LDLRAD4: variants seen among roughly 807,000 people sequenced by gnomAD.
LDLRAD4 encodes the protein low-density lipoprotein receptor class A domain-containing protein 4.
Under a neutral mutation model 17.0 loss-of-function variants are expected in LDLRAD4, and 5 were observed. That is an observed-to-expected ratio of 0.29 (90% confidence interval 0.15 to 0.62). The LOEUF is 0.62. Ranked by LOEUF, LDLRAD4 falls within the 20% of genes least tolerant of loss-of-function variation. The pLI is 0.84. For synonymous variants in LDLRAD4, 168 were observed against 171.8 expected (o/e 0.98, Z 0.17); for missense variants, 340 against 424.7 (o/e 0.80, Z 1.75).
chr18:13,377,808 C>T (rs987652601), intron 1 of LDLRAD4, among the ~76,000 whole-genome samples: 2 of 152,188 alleles, frequency 1.3e-5, no homozygotes, highest in African/African-American at 4.8e-5. Context: ...GGCAGAGCCT[C>T]GCAGGCCCAT....
At chr18:13,646,896 G>A (rs2043034722) in exon 6 of LDLRAD4, 1 of 152,454 alleles carries the variant, frequency 6.6e-6, no homozygotes, top group South Asian at 2.1e-4. Flanking sequence ...CTTCGTGTGG[G>A]AGTGGTGTGG....
intron 4 of LDLRAD4, among the ~76,000 whole-genome samples, chr18:13,640,430 C>T (rs941017169): frequency 6.6e-6 from 1 of 152,192 alleles, no homozygotes; most frequent in African/African-American, 2.4e-5. Context: ...AAGTTCCCAT[C>T]TCCAGGCCAT....
chr18:13,525,739 A>T (rs2094020405), intron 3 of LDLRAD4, among the ~76,000 whole-genome samples: 1 of 152,204 alleles, frequency 6.6e-6, no homozygotes, highest in East Asian at 1.9e-4. Context: ...GGTCCCAGGG[A>T]GAGTGGCACC....
At chr18:13,447,469 C>T (rs1015807706) in intron 3 of LDLRAD4, among the ~76,000 whole-genome samples, 3 of 152,034 alleles carry the variant, frequency 2.0e-5, no homozygotes, top group Non-Finnish European at 4.4e-5. Flanking sequence ...AGGCGGAGAA[C>T]AAATGGGAGG....
chr18:13,400,017 C>T (rs971284507), intron 2 of LDLRAD4, among the ~76,000 whole-genome samples: 3 of 152,210 alleles, frequency 2.0e-5, no homozygotes, highest in Non-Finnish European at 1.5e-5. Context: ...ATATCTTTAT[C>T]GTTACTCTTC....
chr18:13,551,391 A>G (rs909700581), intron 3 of LDLRAD4, among the ~76,000 whole-genome samples: 2 of 152,166 alleles, frequency 1.3e-5, no homozygotes, highest in Admixed American at 6.5e-5. Context: ...CATTTGGCCC[A>G]TGCTTGTGGG....
chr18:13,404,524 A>G (rs920220875), intron 2 of LDLRAD4, among the ~76,000 whole-genome samples: 66 of 152,186 alleles, frequency 4.3e-4, no homozygotes, highest in Admixed American at 3.0e-3. Context: ...GCGGCCGGGC[A>G]TGGTGGCTCA....
intron 3 of LDLRAD4, among the ~76,000 whole-genome samples, chr18:13,476,908 A>G (rs1391749155): frequency 6.6e-6 from 1 of 152,202 alleles, no homozygotes; most frequent in Non-Finnish European, 1.5e-5. Context: ...TGACATGGAT[A>G]ATATTTAAAT....
At chr18:13,240,190 G>C (rs891559677) in intron 1 of LDLRAD4, 3 of 152,246 alleles carry the variant, frequency 2.0e-5, no homozygotes, top group Non-Finnish European at 4.4e-5. Context: ...GCAGGGTCAG[G>C]GTGCTTTGAA....
intron 4 of LDLRAD4, among the ~76,000 whole-genome samples, chr18:13,635,482 A>G (rs1346684488): frequency 6.6e-6 from 1 of 152,232 alleles, no homozygotes; most frequent in East Asian, 1.9e-4. Flanking sequence ...TGTGCTCCAG[A>G]TCTGCAAATT....
At chr18:13,642,569 G>T (rs890127820) in intron 4 of LDLRAD4, 4 of 1,228,504 alleles carry the variant, frequency 3.3e-6, no homozygotes, top group African/African-American at 1.6e-5. Flanking sequence ...CTCGCTGGAG[G>T]ATCCTGAGCC....
intron 4 of LDLRAD4, among the ~76,000 whole-genome samples, chr18:13,639,870 G>GTGA (rs1423175079): frequency 6.6e-6 from 1 of 152,108 alleles, no homozygotes; most frequent in Non-Finnish European, 1.5e-5. Context: ...AAAACTGGTG[G>GTGA]TGATAGAGGA....
chr18:13,409,581 G>C (rs766718165), intron 2 of LDLRAD4, among the ~76,000 whole-genome samples: 1 of 152,108 alleles, frequency 6.6e-6, no homozygotes, highest in Non-Finnish European at 1.5e-5. Flanking sequence ...TTAGTTTCTA[G>C]AACATATGCC....
At chr18:13,401,208 C>T (rs980916778) in intron 2 of LDLRAD4, among the ~76,000 whole-genome samples, 8 of 151,908 alleles carry the variant, frequency 5.3e-5, no homozygotes, top group African/African-American at 1.9e-4. Flanking sequence ...TGTCAGTTGT[C>T]CAGAGGCCAC....
At chr18:13,555,588 T>C (rs117454823) in intron 3 of LDLRAD4, among the ~76,000 whole-genome samples, 29 of 152,340 alleles carry the variant, frequency 1.9e-4, no homozygotes, top group Admixed American at 6.5e-4. Flanking sequence ...ACTATAAGTG[T>C]CTATTATTTG....
chr18:13,263,416 T>C (rs2044029688), intron 1 of LDLRAD4, among the ~76,000 whole-genome samples: 1 of 152,176 alleles, frequency 6.6e-6, no homozygotes. Context: ...CCCATTGCCA[T>C]CTCAGGGATC....
At chr18:13,620,147 C>G (rs560037326) in intron 3 of LDLRAD4, among the ~76,000 whole-genome samples, 1 of 152,172 alleles carries the variant, frequency 6.6e-6, no homozygotes, top group African/African-American at 2.4e-5. Flanking sequence ...CATCGCCCCA[C>G]GTATGAGCGG....
chr18:13,266,730 G>A (rs1189856307), intron 1 of LDLRAD4, among the ~76,000 whole-genome samples: 1 of 152,246 alleles, frequency 6.6e-6, no homozygotes. Context: ...CGCAGTCCTG[G>A]CCAGACCCGT....
At chr18:13,581,722 G>T (rs1237595987) in intron 3 of LDLRAD4, among the ~76,000 whole-genome samples, 1 of 152,092 alleles carries the variant, frequency 6.6e-6, no homozygotes, top group Non-Finnish European at 1.5e-5. Context: ...GCCTGTCTTG[G>T]TGGGCATGTA....
Sources: allele counts gnomAD v4.1 joint callset (sites outside exome capture counted in the v4.1 genomes callset), GRCh38; gene constraint gnomAD v4.1.1; transcripts MANE v1.5; gene names NCBI Gene and HGNC (gene_info 2026-07-23, HGNC 2026-07-21).